Variants in ADAMTSL3 observed in about 807,000 individuals in gnomAD.
The protein encoded by ADAMTSL3 is ADAMTS-like protein 3.
Under a neutral mutation model 201.7 loss-of-function variants are expected in ADAMTSL3, and 128 were observed. That is an observed-to-expected ratio of 0.63 (90% CI 0.55 to 0.73). The LOEUF (loss-of-function observed/expected upper bound fraction) is 0.73. Among genes scored for constraint, ADAMTSL3 ranks in the 30% least tolerant of loss-of-function variants. The probability of loss-of-function intolerance (pLI) is 0.00; values close to 1 mark genes in which losing one functional copy is unlikely to be tolerated. For missense variants in ADAMTSL3, 1,990 were observed against 2,119.6 expected, an observed-to-expected ratio of 0.94 and a Z score of 1.20; for synonymous variants, 738 against 748.4, an observed-to-expected ratio of 0.99 and a Z score of 0.23.
chr15:83,711,505 T>C (rs1360866751), intron 3 of ADAMTSL3, among the ~76,000 whole-genome samples: 3 of 152,256 alleles, frequency 2.0e-5, no homozygotes, highest in African/African-American at 7.2e-5. Context: ...CATTTGAGTT[T>C]GAATAGTTCA....
intron 4 of ADAMTSL3, among the ~76,000 whole-genome samples, chr15:83,793,603 A>G (rs1567148839): frequency 1.3e-5 from 2 of 152,098 alleles, no homozygotes; most frequent in Middle Eastern, 6.8e-3. Flanking sequence ...CTACCTCCCG[A>G]GTAGCTGGGA....
At chr15:83,978,634 C>A (rs1205965620) in intron 20 of ADAMTSL3, among the ~76,000 whole-genome samples, 1 of 152,214 alleles carries the variant, frequency 6.6e-6, no homozygotes, top group Non-Finnish European at 1.5e-5. Context: ...AAGGAACTCA[C>A]AGGAGCCCCA....
chr15:83,854,938 A>C (rs920521530), intron 7 of ADAMTSL3, among the ~76,000 whole-genome samples: 2 of 152,186 alleles, frequency 1.3e-5, no homozygotes, highest in Non-Finnish European at 2.9e-5. Flanking sequence ...CTAGAGCAAC[A>C]GGTGTTCCAA....
chr15:83,898,091 C>T (rs2065652718), intron 14 of ADAMTSL3, 86 bp downstream of exon 14: 1 of 1,434,902 alleles, frequency 7.0e-7, no homozygotes, highest in Non-Finnish European at 9.4e-7. Flanking sequence ...TTTCAACTTA[C>T]TACTTTCTTA....
chr15:84,024,327 T>C (rs1453708839), intron 26 of ADAMTSL3, among the ~76,000 whole-genome samples: 1 of 152,180 alleles, frequency 6.6e-6, no homozygotes, highest in Non-Finnish European at 1.5e-5. Context: ...TAACAAGATA[T>C]AGTTGTGCTT....
At chr15:83,804,506 A>C in intron 4 of ADAMTSL3, 144 bp from the exon 5 acceptor site, 1 of 597,848 alleles carries the variant, frequency 1.7e-6, no homozygotes, top group African/African-American at 2.0e-5. Context: ...TCTTAGAATT[A>C]AACTTTGAAT....
chr15:83,781,791 G>T (rs889034248), intron 4 of ADAMTSL3, among the ~76,000 whole-genome samples: 3 of 152,132 alleles, frequency 2.0e-5, no homozygotes, highest in Non-Finnish European at 4.4e-5. Flanking sequence ...TTTTTCAAGA[G>T]AAGACGTGGC....
intron 13 of ADAMTSL3, 132 bp from the exon 14 acceptor site, chr15:83,897,726 C>A: frequency 9.6e-7 from 1 of 1,036,838 alleles, no homozygotes; most frequent in Non-Finnish European, 1.3e-6. Context: ...CCCTTCCTTA[C>A]ATAATATTTG....
At chr15:83,893,043 A>G (rs2065542607) in intron 13 of ADAMTSL3, among the ~76,000 whole-genome samples, 155 bp downstream of exon 13, 1 of 152,176 alleles carries the variant, frequency 6.6e-6, no homozygotes, top group Non-Finnish European at 1.5e-5. Flanking sequence ...CAGTTGGAGG[A>G]CGAGGGAAGA....
intron 6 of ADAMTSL3, among the ~76,000 whole-genome samples, chr15:83,821,718 C>T (rs1203763455): frequency 6.6e-6 from 1 of 152,262 alleles, no homozygotes; most frequent in Non-Finnish European, 1.5e-5. Context: ...TCCACAAAAC[C>T]GCCGTTGTCG....
chr15:83,737,526 T>G (rs1188849646), intron 3 of ADAMTSL3, among the ~76,000 whole-genome samples: 5 of 152,186 alleles, frequency 3.3e-5, no homozygotes, highest in African/African-American at 1.2e-4. Flanking sequence ...TGCCTGCTTC[T>G]CCTTCTGCCA....
intron 4 of ADAMTSL3, among the ~76,000 whole-genome samples, chr15:83,797,346 C>T (rs1429287716): frequency 2.0e-5 from 3 of 152,168 alleles, no homozygotes; most frequent in Admixed American, 2.0e-4. Context: ...GGTGTGGTGG[C>T]TTACACCTGT....
intron 7 of ADAMTSL3, among the ~76,000 whole-genome samples, chr15:83,845,111 C>G (rs1437650499): frequency 6.6e-6 from 1 of 152,266 alleles, no homozygotes; most frequent in Non-Finnish European, 1.5e-5. Context: ...GTAGTTACCT[C>G]TTTCTCAACG....
chr15:83,833,176 G>A (rs1314445926), intron 6 of ADAMTSL3, among the ~76,000 whole-genome samples: 1 of 152,138 alleles, frequency 6.6e-6, no homozygotes, highest in Non-Finnish European at 1.5e-5. Context: ...TGCCCAAGTT[G>A]TACAGTATCT....
chr15:83,768,929 A>G (rs2062933834), intron 3 of ADAMTSL3, among the ~76,000 whole-genome samples: 1 of 152,172 alleles, frequency 6.6e-6, no homozygotes, highest in Admixed American at 6.5e-5. Flanking sequence ...TCAAAACAAA[A>G]TCCAAGCGTC....
chr15:84,001,496 A>G (rs1369764426), intron 23 of ADAMTSL3, among the ~76,000 whole-genome samples: 2 of 152,230 alleles, frequency 1.3e-5, no homozygotes, highest in African/African-American at 2.4e-5. Flanking sequence ...TTGTTTATGT[A>G]CCTAATGAGT....
At chr15:83,836,308 C>T (rs2141972542) in intron 6 of ADAMTSL3, among the ~76,000 whole-genome samples, 1 of 152,266 alleles carries the variant, frequency 6.6e-6, no homozygotes, top group South Asian at 2.1e-4. Flanking sequence ...ATGCTTAAAC[C>T]TGTAGCTTTC....
intron 2 of ADAMTSL3, among the ~76,000 whole-genome samples, chr15:83,700,544 G>A (rs1241358637): frequency 1.3e-5 from 2 of 152,130 alleles, no homozygotes; most frequent in Admixed American, 1.3e-4. Context: ...CGGGCAGGTC[G>A]CCTGAGATTA....
At chr15:83,994,586 G>A (rs1045584531) in intron 23 of ADAMTSL3, among the ~76,000 whole-genome samples, 1 of 50,232 alleles carries the variant, frequency 2.0e-5, no homozygotes, top group Non-Finnish European at 3.6e-5. Flanking sequence ...TTGTTTTTTC[G>A]TTTTTTTTTT....
Sources: allele counts gnomAD v4.1 joint callset (sites outside exome capture counted in the v4.1 genomes callset), GRCh38; gene constraint gnomAD v4.1.1; transcripts MANE v1.5; gene names NCBI Gene and HGNC (gene_info 2026-07-23, HGNC 2026-07-21).